CFH: variants seen among roughly 807,000 people sequenced by gnomAD.
The protein encoded by CFH is complement factor H, also known as H factor 1 (complement).
In CFH, 53 loss-of-function variants were observed where a neutral mutation model predicts 147.3. The observed-to-expected ratio is 0.36, with a 90% CI of 0.29 to 0.45. CFH has a LOEUF of 0.45. CFH is among the 20% of genes least tolerant of loss of function. CFH has a pLI of 1.00. For missense variants in CFH, 1,380 were observed against 1,498.0 expected (o/e 0.92, Z 1.30); for synonymous variants, 536 against 489.4 (o/e 1.10, Z -1.26).
intron 15 of CFH, among the ~76,000 whole-genome samples, chr1:196,734,583 G>A (rs1669357587): frequency 6.6e-6 from 1 of 152,006 alleles, no homozygotes; most frequent in Non-Finnish European, 1.5e-5. Context: ...GGGGGTTGCA[G>A]GAGGCTTTGA....
chr1:196,708,161 A>G (rs1018532854), intron 9 of CFH, among the ~76,000 whole-genome samples: 5 of 152,210 alleles, frequency 3.3e-5, no homozygotes, highest in African/African-American at 1.2e-4. Context: ...CAGGCATAGC[A>G]ACACTGTAGT....
At chr1:196,661,886 G>GT (rs1553271562) in intron 1 of CFH, among the ~76,000 whole-genome samples, 3 of 151,918 alleles carry the variant, frequency 2.0e-5, no homozygotes, top group African/African-American at 7.3e-5. Context: ...GTTTTGTTTT[G>GT]TTTGTTTTGT....
chr1:196,714,653 A>ATATGTATATATATGTG (rs1162462254), intron 10 of CFH, among the ~76,000 whole-genome samples: 1 of 52,158 alleles, frequency 1.9e-5, no homozygotes, highest in African/African-American at 7.0e-5. Flanking sequence ...ATATATATAT[A>ATATGTATATATATGTG]TATATATATA....
At chr1:196,675,700 A>G (rs1186364795) in intron 3 of CFH, among the ~76,000 whole-genome samples, 1 of 152,128 alleles carries the variant, frequency 6.6e-6, no homozygotes, top group Non-Finnish European at 1.5e-5. Context: ...TTTTCAGTCC[A>G]TGCACCAAGA....
intron 7 of CFH, among the ~76,000 whole-genome samples, chr1:196,688,118 A>C (rs1358257317): frequency 1.3e-5 from 2 of 151,884 alleles, no homozygotes; most frequent in Non-Finnish European, 2.9e-5. Context: ...AACCTATTGC[A>C]TAAGGTTTAT....
chr1:196,684,388 A>G (rs1667753274), intron 6 of CFH, among the ~76,000 whole-genome samples: 1 of 152,132 alleles, frequency 6.6e-6, no homozygotes, highest in South Asian at 2.1e-4. Context: ...CAGTATCTCA[A>G]TGTTTAAGAT....
intron 1 of CFH, among the ~76,000 whole-genome samples, chr1:196,658,197 CGT>C (rs1286180228): frequency 6.6e-6 from 1 of 151,702 alleles, no homozygotes; most frequent in African/African-American, 2.4e-5. Flanking sequence ...AGTAGTTAAA[CGT>C]ATTCACACTC....
chr1:196,670,793 G>A (rs574190877), intron 1 of CFH, among the ~76,000 whole-genome samples: 1 of 152,070 alleles, frequency 6.6e-6, no homozygotes, highest in East Asian at 1.9e-4. Flanking sequence ...TTGGTATACA[G>A]CATTTTGGGG....
intron 7 of CFH, among the ~76,000 whole-genome samples, chr1:196,688,123 G>T (rs1046808043): frequency 6.6e-6 from 1 of 151,658 alleles, no homozygotes; most frequent in Non-Finnish European, 1.5e-5. Flanking sequence ...ATTGCATAAG[G>T]TTTATTGAAA....
chr1:196,724,969 C>A, intron 11 of CFH, 152 bp from the exon 12 acceptor site: 1 of 623,200 alleles, frequency 1.6e-6, no homozygotes, highest in Non-Finnish European at 2.9e-6. Flanking sequence ...GCATATAAAA[C>A]ATAATATGTA....
intron 9 of CFH, among the ~76,000 whole-genome samples, chr1:196,707,953 A>G (rs1275633998): frequency 6.6e-6 from 1 of 152,198 alleles, no homozygotes; most frequent in South Asian, 2.1e-4. Context: ...CTAGATAATT[A>G]CAATTGCTAC....
chr1:196,744,192 T>C (rs1333560217), intron 20 of CFH, among the ~76,000 whole-genome samples: 5 of 152,048 alleles, frequency 3.3e-5, no homozygotes, highest in Non-Finnish European at 5.9e-5. Flanking sequence ...TTTTCACTAT[T>C]TTACTTAGAC....
At chr1:196,745,208 T>C (rs1476005714) in intron 20 of CFH, among the ~76,000 whole-genome samples, 2 of 152,186 alleles carry the variant, frequency 1.3e-5, no homozygotes, top group East Asian at 3.8e-4. Context: ...TTATACCTTA[T>C]GGTCAAAATG....
In CFH at chr1:196,737,415, T is replaced by C. The variant is rs1174505507; in HGVS notation, c.2597-60T>C. ...TAAAATCCGAAATAGTATTTAGTTT[T>C]ATATTTCAATTTAAGTATTTTATTT... On this transcript the variant is annotated intron_variant, in intron 16 of 21. Coordinates refer to ENST00000367429, the MANE Select transcript of CFH (RefSeq NM_000186.4). 6.7e-6 allele frequency: 8 copies of C among 1,193,572 alleles called. No homozygotes were observed. The Admixed American group carries it at 9.8e-5, about 15-fold the overall frequency. The allele number at this position is 1,193,572 out of a possible 1,614,324, so 73.9% of individuals were successfully genotyped here.
chr1:196,689,672 G>A, intron 8 of CFH, 58 bp downstream of exon 8: 1 of 1,572,150 alleles, frequency 6.4e-7, no homozygotes, highest in Non-Finnish European at 8.8e-7. Context: ...ATCGAAGAAA[G>A]GAGAGCACAT....
At chr1:196,723,670 AC>A (rs1255559422) in intron 11 of CFH, among the ~76,000 whole-genome samples, 1 of 151,984 alleles carries the variant, frequency 6.6e-6, no homozygotes, top group Non-Finnish European at 1.5e-5. Flanking sequence ...GGAGCTGGGG[AC>A]AAAGCGGGAT....
chr1:196,706,766 C>T (rs574341277), intron 9 of CFH, among the ~76,000 whole-genome samples: 1 of 152,260 alleles, frequency 6.6e-6, no homozygotes, highest in South Asian at 2.1e-4. Context: ...AAAATACCTA[C>T]TTGGTGCCCA....
chr1:196,663,569 GT>G (rs765096576), intron 1 of CFH, among the ~76,000 whole-genome samples: 6 of 152,000 alleles, frequency 3.9e-5, no homozygotes, highest in Non-Finnish European at 1.5e-5. Context: ...TCCTTATGAA[GT>G]TTATGGTAAC....
intron 7 of CFH, among the ~76,000 whole-genome samples, chr1:196,688,573 T>C (rs952134260): frequency 3.9e-5 from 6 of 152,102 alleles, no homozygotes; most frequent in African/African-American, 1.4e-4. Flanking sequence ...ATTTTTACGT[T>C]GTCTGCAATA....
Sources: gnomAD v4.1 joint callset for allele counts (sites outside exome capture counted in the v4.1 genomes callset) on GRCh38, gnomAD v4.1.1 for gene constraint, MANE v1.5 for transcripts, NCBI Gene and HGNC (gene_info 2026-07-23, HGNC 2026-07-21) for gene names.